JADE3: variants seen among roughly 807,000 people sequenced by gnomAD.
JADE3 encodes protein Jade-3.
In JADE3, 2 loss-of-function variants were observed where a neutral mutation model predicts 50.1. The ratio of observed to expected loss-of-function variants is 0.04; its 90% CI spans 0.02 to 0.13. JADE3 has a LOEUF of 0.13. Among genes scored for constraint, JADE3 ranks in the 10% least tolerant of loss-of-function variants. The pLI is 1.00. For synonymous variants in JADE3, 218 were observed against 232.9 expected (o/e 0.94, Z 0.58); for missense variants, 475 against 634.4 (o/e 0.75, Z 2.70).
intron 4 of JADE3, among the ~76,000 whole-genome samples, chrX:47,011,876 A>T (rs1322312795): frequency 1.8e-5 from 2 of 112,115 alleles, no homozygotes; most frequent in Non-Finnish European, 3.8e-5. Context: ...AAAAGCCTTT[A>T]TGAGGTCAGA....
chrX:46,959,254 A>G (rs1927202585), intron 1 of JADE3, among the ~76,000 whole-genome samples: 1 of 112,348 alleles, frequency 8.9e-6, no homozygotes, highest in Non-Finnish European at 1.9e-5. Flanking sequence ...TTTCACTCTC[A>G]GGCAGACTGT....
intron 3 of JADE3, among the ~76,000 whole-genome samples, chrX:46,991,945 T>C (rs1355844489): frequency 9.0e-6 from 1 of 110,981 alleles, no homozygotes; most frequent in Non-Finnish European, 1.9e-5. Flanking sequence ...AGTGGTCCTG[T>C]TTCTGGGGGT....
chrX:46,980,100 G>C (rs782588493), intron 1 of JADE3, among the ~76,000 whole-genome samples: 1 of 108,624 alleles, frequency 9.2e-6, no homozygotes, highest in Non-Finnish European at 1.9e-5. Flanking sequence ...GGCTGGTCTC[G>C]AACTCCTGAC....
chrX:47,052,557 C>G (rs1464741281), intron 8 of JADE3, among the ~76,000 whole-genome samples: 1 of 101,777 alleles, frequency 9.8e-6, no homozygotes, highest in African/African-American at 3.6e-5. Context: ...TCACTTGAAC[C>G]CTGGAGGTGG....
Position 47,058,184 on chromosome X carries a change from G to A in JADE3, c.1579G>A (p.Ala527Thr). ...TATCTCAGGGCTTCCTTTGACAAAT[G>A]CACTTGAAAACTCACTGTTTTACCC... Reference protein sequence around the residue: ...EIDAGLPLTNALENSLFYPPP... With the variant: ...EIDAGLPLTNTLENSLFYPPP... The change falls in exon 11 of 11, where the codon GCA becomes ACA. Residue 527 changes from alanine (A) to threonine (T), a missense_variant. Coordinates refer to ENST00000614628, the MANE Select transcript of JADE3 (RefSeq NM_014735.5). The A allele has an allele frequency of 2.5e-6, 3 of 1,203,972 alleles. No homozygotes were observed. The highest frequency in any genetic ancestry group is 3.4e-6 in the Non-Finnish European group (3 of 892,166).
chrX:46,969,608 G>A (rs1015794197), intron 1 of JADE3, among the ~76,000 whole-genome samples: 3 of 111,917 alleles, frequency 2.7e-5, no homozygotes, highest in Non-Finnish European at 3.8e-5. Context: ...AGGCCAAGGC[G>A]GACAGATCAC....
chrX:46,962,831 T>G (rs1260530947), intron 1 of JADE3, among the ~76,000 whole-genome samples: 2 of 78,381 alleles, frequency 2.6e-5, no homozygotes, highest in African/African-American at 8.6e-5. Context: ...CAACCTAATA[T>G]AAACTAATTT....
chrX:46,924,183 G>A (rs1182736698), intron 1 of JADE3, among the ~76,000 whole-genome samples: 1 of 111,617 alleles, frequency 9.0e-6, no homozygotes, highest in Non-Finnish European at 1.9e-5. Flanking sequence ...CATGGTGGGC[G>A]CTTTCTCTGA....
At chrX:47,042,146 A>G (rs1363191720) in intron 8 of JADE3, among the ~76,000 whole-genome samples, 1 of 111,336 alleles carries the variant, frequency 9.0e-6, no homozygotes, top group Non-Finnish European at 1.9e-5. Context: ...GGCACATGCC[A>G]CCATGGCTGG....
Position 47,058,423 on chromosome X carries a change from G to A in JADE3, c.1818G>A (p.Leu606=), listed in dbSNP as rs199519658. The change falls in exon 11 of 11, where the codon CTG becomes CTA. Residue 606 remains leucine (L), a synonymous_variant. Coordinates refer to ENST00000614628, the MANE Select transcript of JADE3 (RefSeq NM_014735.5). Reference sequence around the variant, plus strand: ...TAGAGAGCAAGAATAACCGTTTGCTGGCCAGTCTCAGCCATTCTAGGAGTG... The same window carrying A: ...TAGAGAGCAAGAATAACCGTTTGCTAGCCAGTCTCAGCCATTCTAGGAGTG... The part of the protein sequence containing the change: ...YPLESKNNRL[L]ASLSHSRSEA... 21 of 1,209,404 alleles carry A rather than the reference G, an allele frequency of 1.7e-5. No homozygotes were observed. In the East Asian group the frequency reaches 5.0e-4, roughly 29 times the overall value.
At chrX:46,993,934 G>A (rs1928068675) in intron 3 of JADE3, among the ~76,000 whole-genome samples, 1 of 111,854 alleles carries the variant, frequency 8.9e-6, no homozygotes, top group South Asian at 3.7e-4. Flanking sequence ...ATAATTACCA[G>A]TTTGTAGCTG....
At chrX:46,980,774 G>A (rs1228362236) in intron 1 of JADE3, among the ~76,000 whole-genome samples, 1 of 111,275 alleles carries the variant, frequency 9.0e-6, no homozygotes, top group Non-Finnish European at 1.9e-5. Flanking sequence ...GTTACATTTT[G>A]TATATTAGGT....
At chrX:46,986,594 T>G (rs782128412) in intron 3 of JADE3, among the ~76,000 whole-genome samples, 3 of 111,905 alleles carry the variant, frequency 2.7e-5, no homozygotes, top group Non-Finnish European at 5.6e-5. Context: ...TGAGGAGAGA[T>G]AGTACAGAAA....
chrX:46,958,838 G>T (rs1927190831), intron 1 of JADE3, among the ~76,000 whole-genome samples: 1 of 111,986 alleles, frequency 8.9e-6, no homozygotes, highest in Admixed American at 9.5e-5. Context: ...TCTGGTTTGA[G>T]TTTCCACAAA....
At position 47,000,583 on chromosome X, in the gene JADE3, C is replaced by T. The variant is rs375227072; in HGVS notation, c.284+2306C>T. 6.8e-4 allele frequency among the ~76,000 whole-genome samples: 76 copies of T among 111,459 alleles called. No homozygotes were observed. In the South Asian group the frequency reaches 0.027, roughly 39 times the overall value. On this transcript the variant is annotated intron_variant, in intron 4 of 10. Transcript: ENST00000614628. ...TTTTTAATTTTTTGAGATAGGGTCT[C>T]GCTCTGTCACTCAGGCTGGAGTGCA...
At chrX:46,974,312 G>C (rs1427864662) in intron 1 of JADE3, among the ~76,000 whole-genome samples, 1 of 110,602 alleles carries the variant, frequency 9.0e-6, no homozygotes, top group Non-Finnish European at 1.9e-5. Flanking sequence ...GGCTGAGACA[G>C]GAGAATTGCT....
At chrX:46,968,566 C>T (rs1286773196) in intron 1 of JADE3, among the ~76,000 whole-genome samples, 2 of 110,369 alleles carry the variant, frequency 1.8e-5, no homozygotes, top group East Asian at 2.8e-4. Flanking sequence ...AGAGCAAGAC[C>T]GTATCTCAAA....
chrX:46,965,290 T>G (rs1261591869), intron 1 of JADE3, among the ~76,000 whole-genome samples: 1 of 111,382 alleles, frequency 9.0e-6, no homozygotes, highest in Non-Finnish European at 1.9e-5. Context: ...AAGATGTTGC[T>G]TCTGTTCAGA....
chrX:46,972,669 G>A (rs958917823), intron 1 of JADE3, among the ~76,000 whole-genome samples: 3 of 111,312 alleles, frequency 2.7e-5, no homozygotes, highest in South Asian at 3.8e-4. Flanking sequence ...GCACGATCTC[G>A]GCTCACTGCA....
Sources: gnomAD v4.1 joint callset for allele counts (sites outside exome capture counted in the v4.1 genomes callset) on GRCh38, gnomAD v4.1.1 for gene constraint, MANE v1.5 for transcripts, NCBI Gene and HGNC (gene_info 2026-07-23, HGNC 2026-07-21) for gene names.